NEBL: variants seen among roughly 807,000 people sequenced by gnomAD.
NEBL encodes the protein LIM and SH3 protein 2.
Under a neutral mutation model 140.2 loss-of-function variants are expected in NEBL, and 122 were observed. That is an observed-to-expected ratio of 0.87 (90% CI 0.75 to 1.01). The LOEUF (loss-of-function observed/expected upper bound fraction) is 1.01, where lower values mean the gene tolerates loss of function less well. Ranked by LOEUF, NEBL falls within the 50% of genes least tolerant of loss-of-function variation. NEBL has a pLI of 0.00. For synonymous variants in NEBL, 436 were observed against 398.9 expected, an observed-to-expected ratio of 1.09 and a Z score of -1.11; for missense variants, 1,365 against 1,231.3, an observed-to-expected ratio of 1.11 and a Z score of -1.62.
At chr10:21,265,389 C>A (rs969358163) in intron 1 of NEBL, among the ~76,000 whole-genome samples, 1 of 152,328 alleles carries the variant, frequency 6.6e-6, no homozygotes, top group South Asian at 2.1e-4. Flanking sequence ...CTCTTACTCT[C>A]ACGCTGCAAA....
rs1444783657 is a variant in NEBL at position 20,780,591 on chromosome 10, A to C, written c.*5156T>G. 2 of 152,226 alleles carry C rather than the reference A, an allele frequency of 1.3e-5. No individual in the cohort carries two copies. The highest frequency in any genetic ancestry group is 6.5e-5 in the Admixed American group (1 of 15,284). The allele number at this position is 152,226 out of a possible 1,614,324, so 9.4% of individuals were successfully genotyped here. On this transcript the variant is annotated 3_prime_UTR_variant, in exon 28 of 28. Transcript: ENST00000377122. ...TTAGGGTGCATTGCTTGCATCTAACAACCCATGCTCCAAGAAACCACGGTG... is the reference window on the plus strand; with the variant it reads ...TTAGGGTGCATTGCTTGCATCTAACCACCCATGCTCCAAGAAACCACGGTG...
intron 26 of NEBL, among the ~76,000 whole-genome samples, chr10:20,802,218 A>T (rs533414959): frequency 6.6e-6 from 1 of 152,346 alleles, no homozygotes; most frequent in South Asian, 2.1e-4. Flanking sequence ...CGGGAAGCAG[A>T]TACACATTGC....
At chr10:21,184,292 T>C (rs749421212) in intron 3 of NEBL, among the ~76,000 whole-genome samples, 1 of 152,174 alleles carries the variant, frequency 6.6e-6, no homozygotes, top group Non-Finnish European at 1.5e-5. Flanking sequence ...CCTGTGGCAA[T>C]CAACAACAGA....
Position 20,816,822 on chromosome 10 carries a change from A to G in NEBL, c.2148+778T>C, listed in dbSNP as rs548647913. ...GCCAGCCCCTTATTAAGTGCCCCCA[A>G]AATGGTCCTGTCCAATATAACCTAT... On this transcript the variant is annotated intron_variant, in intron 21 of 27. Coordinates refer to ENST00000377122, the MANE Select transcript of NEBL (RefSeq NM_006393.3). 2.6e-5 allele frequency among the ~76,000 whole-genome samples: 4 copies of G among 152,298 alleles called. No homozygotes were observed. In the East Asian group the frequency reaches 7.7e-4, roughly 29 times the overall value.
At chr10:21,157,224 T>C (rs1338064371) in intron 2 of NEBL, among the ~76,000 whole-genome samples, 4 of 152,124 alleles carry the variant, frequency 2.6e-5, no homozygotes, top group African/African-American at 9.7e-5. Context: ...CTTTTTTTTT[T>C]AACACTGATC....
intron 2 of NEBL, among the ~76,000 whole-genome samples, chr10:21,080,783 C>G (rs549295569): frequency 1.3e-5 from 2 of 152,110 alleles, no homozygotes; most frequent in Non-Finnish European, 2.9e-5. Flanking sequence ...CCCAACAGTG[C>G]TAATTCTGGC....
At chr10:20,937,974 A>G (rs1834597574) in intron 4 of NEBL, among the ~76,000 whole-genome samples, 1 of 152,180 alleles carries the variant, frequency 6.6e-6, no homozygotes, top group South Asian at 2.1e-4. Flanking sequence ...ACCTCAGCTC[A>G]AGGAGGCCTG....
chr10:21,201,653 A>C (rs1325503579), intron 3 of NEBL, among the ~76,000 whole-genome samples: 2 of 152,216 alleles, frequency 1.3e-5, no homozygotes, highest in Non-Finnish European at 2.9e-5. Flanking sequence ...TCTGGAAATT[A>C]AAATAGTATT....
rs1361089608 is a variant in NEBL at position 21,146,232 on chromosome 10, C to T, written c.164+26151G>A. 20 of 839,294 alleles carry T rather than the reference C, an allele frequency of 2.4e-5. No homozygotes were observed. The Admixed American group carries it at 3.4e-4, about 14-fold the overall frequency. The allele number at this position is 839,294 out of a possible 1,614,324, so 52.0% of individuals were successfully genotyped here. A position where few individuals can be genotyped will look rare whatever the true frequency, so the allele number is the denominator to read the frequency against. Reference sequence around the variant, plus strand: ...AGTTTATTTCATGCAGAGGGTACTCCGTTCACCCCTCTTACAGCTGCACGT... The same window carrying T: ...AGTTTATTTCATGCAGAGGGTACTCTGTTCACCCCTCTTACAGCTGCACGT... On this transcript the variant is annotated intron_variant, in intron 2 of 6. Coordinates refer to the NEBL transcript ENST00000417816.
At position 20,808,568 on chromosome 10, in the gene NEBL, G is replaced by T. The variant is rs374451899; in HGVS notation, c.2703C>A (p.Ser901=). The T allele has an allele frequency of 2.5e-6, 4 of 1,613,884 alleles. No homozygotes were observed. Among genetic ancestry groups the T allele is most frequent in the African/African-American group, 2.7e-5 (2 of 74,996 alleles). The stretch of plus-strand genomic sequence containing the variant: ...AGCATGAAAAGCTAGGGTAAATCTC[G>T]GAGATTTCTGACCTGTCGTCTCCGA... ...TGLGDDRSEI[S]EIYPSFSCCS... The change falls in exon 26 of 28, where the codon TCC becomes TCA. Residue 901 remains serine (S), a synonymous_variant. Coordinates refer to ENST00000377122, the MANE Select transcript of NEBL (RefSeq NM_006393.3).
At chr10:21,288,285 T>C (rs556355692) in intron 1 of NEBL, among the ~76,000 whole-genome samples, 1 of 151,824 alleles carries the variant, frequency 6.6e-6, no homozygotes, top group South Asian at 2.1e-4. Flanking sequence ...CTGGCCAACA[T>C]AATGAAACCC....
chr10:20,874,237 T>C (rs1445874971), intron 5 of NEBL, among the ~76,000 whole-genome samples: 1 of 152,124 alleles, frequency 6.6e-6, no homozygotes, highest in African/African-American at 2.4e-5. Context: ...TCAGCCTAGG[T>C]TTTTTAATTT....
intron 2 of NEBL, among the ~76,000 whole-genome samples, chr10:21,036,142 G>A (rs1384669459): frequency 6.6e-6 from 1 of 151,704 alleles, no homozygotes; most frequent in Non-Finnish European, 1.5e-5. Context: ...CAGCCTGGGG[G>A]ACACAGCTGG....
chr10:20,981,396 T>C (rs775166039), intron 3 of NEBL, among the ~76,000 whole-genome samples: 16 of 146,198 alleles, frequency 1.1e-4, no homozygotes, highest in Non-Finnish European at 2.2e-4. Context: ...AGAATTCTAC[T>C]GCATCTCATA....
chr10:20,821,905 T>C (rs1003299309), intron 19 of NEBL, among the ~76,000 whole-genome samples: 2 of 152,202 alleles, frequency 1.3e-5, no homozygotes, highest in Non-Finnish European at 2.9e-5. Context: ...TGGTTTGCTC[T>C]GCCAGGAATG....
intron 3 of NEBL, among the ~76,000 whole-genome samples, chr10:20,968,578 G>A (rs1363374261): frequency 1.3e-5 from 2 of 152,086 alleles, no homozygotes; most frequent in Non-Finnish European, 2.9e-5. Flanking sequence ...GGGATGCGTC[G>A]CATGTATCAC....
At chr10:21,039,060 GTTTTTTTTTTT>G (rs57149647) in intron 2 of NEBL, among the ~76,000 whole-genome samples, 1 of 99,422 alleles carries the variant, frequency 1.0e-5, no homozygotes, top group East Asian at 2.8e-4. Flanking sequence ...TGATGGGGCT[GTTTTTTTTTTT>G]TTTTTTTTTT....
rs201389478 is a variant in NEBL at position 20,812,827 on chromosome 10, G to T, written c.2460C>A (p.Ala820=). 4 of 1,613,994 alleles carry T rather than the reference G, an allele frequency of 2.5e-6. No homozygotes were observed. In the East Asian group the frequency reaches 8.9e-5, roughly 36 times the overall value. ...RKNTQVVSDA[A]YKGVHPHIVE... is the part of the protein sequence containing the mutation. ...CGATGTGAGGGTGGACCCCTTTATA[G>T]GCAGCATCGCTGACCACCTGGGTGT... The change falls in exon 24 of 28, where the codon GCC becomes GCA. Residue 820 remains alanine, a synonymous_variant. Coordinates refer to ENST00000377122, the MANE Select transcript of NEBL (RefSeq NM_006393.3).
At chr10:21,051,861 T>C (rs1834793866) in intron 2 of NEBL, among the ~76,000 whole-genome samples, 3 of 152,126 alleles carry the variant, frequency 2.0e-5, no homozygotes. Flanking sequence ...GTTCCTTAAG[T>C]ATTTAATTTA....
Sources: gnomAD v4.1 joint callset for allele counts (sites outside exome capture counted in the v4.1 genomes callset) on GRCh38, gnomAD v4.1.1 for gene constraint, MANE v1.5 for transcripts, NCBI Gene and HGNC (gene_info 2026-07-23, HGNC 2026-07-21) for gene names.